Variants in FLT1 observed in about 807,000 individuals in gnomAD.
The protein encoded by FLT1 is fms related receptor tyrosine kinase 1, also known as vascular endothelial growth factor receptor 1.
FLT1 carries 49 observed loss-of-function variants against 156.3 expected under a neutral mutation model. That is an observed-to-expected ratio of 0.31 (90% CI 0.25 to 0.40). FLT1 has a LOEUF of 0.40. Among genes scored for constraint, FLT1 ranks in the 10% least tolerant of loss-of-function variants. The pLI, the probability that FLT1 is intolerant of heterozygous loss-of-function variation, is 1.00. For synonymous variants in FLT1, 594 were observed against 583.8 expected (o/e 1.02, Z -0.25); for missense variants, 1,322 against 1,637.2 (o/e 0.81, Z 3.32).
intron 1 of FLT1, among the ~76,000 whole-genome samples, chr13:28,481,884 C>T (rs1291655389): frequency 2.6e-5 from 4 of 152,242 alleles, no homozygotes; most frequent in Non-Finnish European, 4.4e-5. Flanking sequence ...GTTAAATTCA[C>T]AAAATAAGAA....
intron 12 of FLT1, among the ~76,000 whole-genome samples, chr13:28,394,517 T>C (rs1052024316): frequency 6.6e-6 from 1 of 152,164 alleles, no homozygotes; most frequent in Non-Finnish European, 1.5e-5. Flanking sequence ...GGTAGAAATA[T>C]GATGCAGCGA....
intron 13 of FLT1, chr13:28,387,338 G>T (rs1196191000): frequency 2.9e-6 from 3 of 1,046,892 alleles, no homozygotes; most frequent in Non-Finnish European, 3.5e-6. Context: ...ATCATATTTT[G>T]TCAATTCTTA....
At chr13:28,309,025 A>G in intron 27 of FLT1, 98 bp from the exon 28 acceptor site, 3 of 733,214 alleles carry the variant, frequency 4.1e-6, no homozygotes, top group Middle Eastern at 3.3e-4. Context: ...AAGATGAACC[A>G]ACACACCAAC....
Position 28,329,669 on chromosome 13 carries a change from T to A in FLT1, c.2653A>T (p.Ile885Phe). ...LMTELKILTH[I>F]GHHLNVVNLL... Reference sequence around the variant, plus strand: ...TTAACCACGTTCAGATGGTGGCCAATGTGGGTCAAGATTTTTAGCTCAGTC... The same window carrying A: ...TTAACCACGTTCAGATGGTGGCCAAAGTGGGTCAAGATTTTTAGCTCAGTC... Residue 885 changes from isoleucine to phenylalanine, a missense_variant, in exon 19 of 30, where the codon ATT becomes TTT. Ile to Phe is a conservative substitution (Grantham distance 21). Transcript: ENST00000282397. 1 of 1,614,218 alleles carries A rather than the reference T, an allele frequency of 6.2e-7. No individual in the cohort carries two copies. Among genetic ancestry groups the A allele is most frequent in the East Asian group, 2.2e-5 (1 of 44,880 alleles).
In FLT1 at chr13:28,300,590, T is replaced by G. The variant is rs1280084039; in HGVS notation, c.*2577A>C. The G allele has an allele frequency of 6.5e-5, 15 of 231,090 alleles. No individual in the cohort carries two copies. Among genetic ancestry groups the G allele is most frequent in the East Asian group, 3.0e-4 (5 of 16,434 alleles). The allele number at this position is 231,090 out of a possible 1,614,324, so 14.3% of individuals were successfully genotyped here. ...ACACCACTGTCGGCCAAAGATGCAC[T>G]CCTCCTTTAATCAATTTAAATGAGG... is the stretch of plus-strand genomic sequence containing the variant. On this transcript the variant is annotated 3_prime_UTR_variant, in exon 30 of 30. Coordinates refer to ENST00000282397, the MANE Select transcript of FLT1 (RefSeq NM_002019.4).
chr13:28,463,495 T>C (rs1272248217), intron 3 of FLT1, among the ~76,000 whole-genome samples: 3 of 152,206 alleles, frequency 2.0e-5, no homozygotes, highest in African/African-American at 7.2e-5. Context: ...TGTGTTTACA[T>C]AGGGTTACTC....
At chr13:28,484,447 C>T (rs1881032181) in intron 1 of FLT1, among the ~76,000 whole-genome samples, 1 of 152,144 alleles carries the variant, frequency 6.6e-6, no homozygotes, top group Non-Finnish European at 1.5e-5. Flanking sequence ...GTTTGGAAGC[C>T]CACATAAAAT....
chr13:28,378,438 C>T (rs1258772731), intron 14 of FLT1, among the ~76,000 whole-genome samples: 1 of 152,156 alleles, frequency 6.6e-6, no homozygotes, highest in Non-Finnish European at 1.5e-5. Context: ...AAAACTGATG[C>T]TCATTTGTTC....
intron 10 of FLT1, among the ~76,000 whole-genome samples, chr13:28,406,559 A>T (rs1875810752): frequency 6.6e-6 from 1 of 152,150 alleles, no homozygotes; most frequent in African/African-American, 2.4e-5. Context: ...TTTGAGCAGA[A>T]AGCTTGCTGG....
At chr13:28,428,852 C>A (rs956920868) in intron 8 of FLT1, among the ~76,000 whole-genome samples, 1 of 152,184 alleles carries the variant, frequency 6.6e-6, no homozygotes, top group African/African-American at 2.4e-5. Context: ...ATTCCCATTA[C>A]TAGTGTGTCT....
intron 3 of FLT1, among the ~76,000 whole-genome samples, chr13:28,459,912 G>A (rs1287340779): frequency 1.3e-5 from 2 of 152,344 alleles, no homozygotes; most frequent in African/African-American, 4.8e-5. Flanking sequence ...GGGATGAAGG[G>A]CCCACATTCC....
intron 11 of FLT1, among the ~76,000 whole-genome samples, chr13:28,404,166 A>C (rs966027128): frequency 6.6e-6 from 1 of 152,218 alleles, no homozygotes; most frequent in African/African-American, 2.4e-5. Context: ...GACTGTTTTA[A>C]AGTACTGCTT....
chr13:28,354,831 C>T (rs1290156828), intron 15 of FLT1, among the ~76,000 whole-genome samples: 3 of 151,720 alleles, frequency 2.0e-5, no homozygotes, highest in Admixed American at 2.0e-4. Flanking sequence ...ATTATATATG[C>T]CATATATTAT....
intron 14 of FLT1, among the ~76,000 whole-genome samples, chr13:28,365,271 T>C (rs1393171257): frequency 6.6e-6 from 1 of 152,192 alleles, no homozygotes; most frequent in Non-Finnish European, 1.5e-5. Context: ...TTATGCAAAA[T>C]AGTATTGAGG....
chr13:28,398,606 C>T (rs17626707), intron 11 of FLT1, among the ~76,000 whole-genome samples: 9,559 of 152,296 alleles, frequency 0.063, 588 homozygotes, highest in Admixed American at 0.19. Context: ...GAGTAGTACA[C>T]AGTGCTTTCT....
chr13:28,372,592 A>ATATATG (rs1873665266), intron 14 of FLT1, among the ~76,000 whole-genome samples: 1 of 133,390 alleles, frequency 7.5e-6, no homozygotes, highest in Non-Finnish European at 1.6e-5. Flanking sequence ...ATATATATAT[A>ATATATG]TATATATATA....
In FLT1 at chr13:28,433,933, T is replaced by C; in HGVS notation, c.699A>G (p.Gln233=). Reference sequence around the variant, plus strand: ...ATTTGACTGGGCGTGGTGTGCTTATTTGGACATCTATGATTGTATTGGCTG... The same window carrying C: ...ATTTGACTGGGCGTGGTGTGCTTATCTGGACATCTATGATTGTATTGGCTG... ...HRQTNTIIDV[Q]ISTPRPVKLL... Residue 233 remains glutamine, a synonymous_variant, in exon 6 of 30, where the codon CAA becomes CAG. Coordinates refer to ENST00000282397, the MANE Select transcript of FLT1 (RefSeq NM_002019.4). The C allele has an allele frequency of 6.2e-7, 1 of 1,614,160 alleles. No homozygotes were observed. Among genetic ancestry groups the C allele is most frequent in the South Asian group, 1.1e-5 (1 of 91,082 alleles).
In FLT1 at chr13:28,427,905, G is replaced by A. The variant is rs1877445992; in HGVS notation, c.1123C>T (p.Pro375Ser). The stretch of plus-strand genomic sequence containing the variant: ...TAGCGAGCAGATTTCTCAGTCGCAG[G>A]TAACCCATCTTTTAACCTGTGGTTA... ...PEVVWLKDGL[P>S]ATEKSARYLT... Residue 375 changes from proline to serine, a missense_variant, in exon 9 of 30, where the codon CCT becomes TCT. By Grantham distance (74) the Pro-to-Ser change is moderately conservative. Coordinates refer to ENST00000282397, the MANE Select transcript of FLT1 (RefSeq NM_002019.4). 1 of 1,613,894 alleles carries A rather than the reference G, an allele frequency of 6.2e-7. No individual in the cohort carries two copies. Among genetic ancestry groups the A allele is most frequent in the Non-Finnish European group, 8.5e-7 (1 of 1,179,854 alleles).
At chr13:28,429,055 G>A (rs1877519192) in intron 8 of FLT1, among the ~76,000 whole-genome samples, 1 of 152,088 alleles carries the variant, frequency 6.6e-6, no homozygotes, top group Non-Finnish European at 1.5e-5. Flanking sequence ...CACTGGAAGA[G>A]TGAATGTACC....
Sources: gnomAD v4.1 joint callset for allele counts (sites outside exome capture counted in the v4.1 genomes callset) on GRCh38, gnomAD v4.1.1 for gene constraint, MANE v1.5 for transcripts, NCBI Gene and HGNC (gene_info 2026-07-23, HGNC 2026-07-21) for gene names.